WDR36: variants seen among roughly 807,000 people sequenced by gnomAD.
WDR36 encodes WD repeat-containing protein 36.
WDR36 carries 63 observed loss-of-function variants against 112.7 expected under a neutral mutation model. That is an observed-to-expected ratio of 0.56 (90% CI 0.46 to 0.69). WDR36 has a LOEUF of 0.69. WDR36 is among the 30% of genes least tolerant of loss of function. WDR36 has a pLI of 0.00. For synonymous variants in WDR36, 410 were observed against 362.2 expected, an observed-to-expected ratio of 1.13 and a Z score of -1.50; for missense variants, 1,226 against 1,070.3, an observed-to-expected ratio of 1.15 and a Z score of -2.03.
chr5:111,094,488 G>A (rs1580388348), intron 1 of WDR36, among the ~76,000 whole-genome samples: 2 of 152,036 alleles, frequency 1.3e-5, no homozygotes, highest in South Asian at 2.1e-4. Context: ...GTTTGTGGGG[G>A]CAGGCTGGGG....
intron 15 of WDR36, among the ~76,000 whole-genome samples, chr5:111,111,906 G>C (rs1372020461): frequency 2.6e-5 from 4 of 151,750 alleles, no homozygotes; most frequent in African/African-American, 9.7e-5. Context: ...CAGATACCTT[G>C]ATTTGCTTGA....
chr5:111,106,713 C>A (rs1490424302), intron 11 of WDR36, among the ~76,000 whole-genome samples: 2 of 151,374 alleles, frequency 1.3e-5, no homozygotes, highest in African/African-American at 2.4e-5. Flanking sequence ...CATCACACAT[C>A]TGCTTAAAAT....
intron 1 of WDR36, among the ~76,000 whole-genome samples, chr5:111,093,984 A>G (rs961090539): frequency 5.9e-5 from 9 of 152,156 alleles, no homozygotes; most frequent in Non-Finnish European, 8.8e-5. Flanking sequence ...AGATTAACCA[A>G]TGCATTGGGC....
At chr5:111,113,425 A>G (rs1753389199) in intron 16 of WDR36, among the ~76,000 whole-genome samples, 1 of 124,560 alleles carries the variant, frequency 8.0e-6, no homozygotes, top group South Asian at 3.1e-4. Context: ...CTAAACCTTA[A>G]GAAAGCTCAT....
intron 15 of WDR36, 71 bp downstream of exon 15, chr5:111,111,349 C>A: frequency 1.7e-6 from 2 of 1,202,580 alleles, no homozygotes; most frequent in Non-Finnish European, 2.5e-6. Context: ...CCTTTAATAG[C>A]CTTAAAATCA....
chr5:111,100,878 AAC>A, intron 5 of WDR36, among the ~76,000 whole-genome samples, 157 bp downstream of exon 5: 1 of 151,742 alleles, frequency 6.6e-6, no homozygotes, highest in East Asian at 1.9e-4. Flanking sequence ...GGAGTCAATT[AAC>A]CTGGGATCAA....
At chr5:111,105,928 G>A in intron 10 of WDR36, 129 bp from the exon 11 acceptor site, 2 of 706,200 alleles carry the variant, frequency 2.8e-6, no homozygotes, top group South Asian at 3.4e-5. Flanking sequence ...TAACATCTTT[G>A]TTTTGTTTCT....
chr5:111,097,406 C>T (rs1753016043), intron 3 of WDR36, among the ~76,000 whole-genome samples: 1 of 152,174 alleles, frequency 6.6e-6, no homozygotes, highest in Admixed American at 6.5e-5. Flanking sequence ...ATCAAAATTA[C>T]TTGGAGACCT....
chr5:111,126,793 A>C lies in WDR36; in HGVS notation c.2598A>C (p.Ser866=), dbSNP rs78750466. Residue 866 remains serine (S), a synonymous_variant, in exon 23 of 23, where the codon TCA becomes TCC. Coordinates refer to ENST00000513710, the MANE Select transcript of WDR36 (RefSeq NM_139281.3). Reference sequence around the variant, plus strand: ...TCCTAGAAGAAATAACAAATTTGTCATCCCAGGTGGAAGAAAACTGGACCC... The same window carrying C: ...TCCTAGAAGAAATAACAAATTTGTCCTCCCAGGTGGAAGAAAACTGGACCC... ...PVLLEEITNL[S]SQVEENWTHL... 6.8e-5 allele frequency: 109 copies of C among 1,613,808 alleles called. No homozygotes were observed. In the African/African-American group the frequency reaches 1.3e-3, roughly 19 times the overall value.
chr5:111,125,280 G>A (rs1753655097), intron 21 of WDR36, among the ~76,000 whole-genome samples: 1 of 152,074 alleles, frequency 6.6e-6, no homozygotes, highest in African/African-American at 2.4e-5. Flanking sequence ...TTCTTAATTA[G>A]GATTTACTCT....
chr5:111,114,216 A>T (rs1224835882), intron 16 of WDR36, among the ~76,000 whole-genome samples: 1 of 152,200 alleles, frequency 6.6e-6, no homozygotes, highest in East Asian at 1.9e-4. Flanking sequence ...CTCATTTAAC[A>T]TAGGATTGCT....
Position 111,104,831 on chromosome 5 carries a change from T to G in WDR36, c.1027+14T>G, listed in dbSNP as rs1214312968. On this transcript the variant is annotated intron_variant, in intron 9 of 22. Coordinates refer to ENST00000513710, the MANE Select transcript of WDR36 (RefSeq NM_139281.3). Reference sequence around the variant, plus strand: ...TTCTAAGTGCAAGTGAGCTTCTGCTTCATACTATTAGTTTATTTCAGCAAG... The same window carrying G: ...TTCTAAGTGCAAGTGAGCTTCTGCTGCATACTATTAGTTTATTTCAGCAAG... The G allele has an allele frequency of 2.5e-6, 4 of 1,610,238 alleles. No homozygotes were observed. In the African/African-American group the frequency reaches 5.4e-5, roughly 22 times the overall value.
chr5:111,119,431 C>T (rs1753521370), intron 17 of WDR36, among the ~76,000 whole-genome samples: 1 of 152,114 alleles, frequency 6.6e-6, no homozygotes. Context: ...CCATGGTTTT[C>T]CTGCCAGTAT....
chr5:111,103,868 T>C lies in WDR36; in HGVS notation c.680T>C (p.Met227Thr). The C allele has an allele frequency of 6.2e-7, 1 of 1,611,466 alleles. No homozygotes were observed. The highest frequency in any genetic ancestry group is 8.5e-7 in the Non-Finnish European group (1 of 1,178,300). ...IHNIKFNETL[M>T]KFRQDWGPIT... ...AACATTAAATTTAATGAAACATTAA[T>C]GAAGTTTCGTCAAGACTGGGGACCC... The change falls in exon 7 of 23, where the codon ATG becomes ACG. Residue 227 changes from methionine to threonine, a missense_variant. Coordinates refer to ENST00000513710, the MANE Select transcript of WDR36 (RefSeq NM_139281.3).
chr5:111,098,952 T>TA, intron 4 of WDR36, 113 bp downstream of exon 4: 2 of 779,336 alleles, frequency 2.6e-6, no homozygotes, highest in East Asian at 2.5e-5. Flanking sequence ...AGTAAGAAAT[T>TA]AAAAAAATCA....
chr5:111,105,294 G>A lies in WDR36; in HGVS notation c.1028-1G>A, dbSNP rs768665334. On this transcript the variant is annotated splice_acceptor_variant, in intron 9 of 22. Coordinates refer to ENST00000513710, the MANE Select transcript of WDR36 (RefSeq NM_139281.3). LOFTEE classifies it high-confidence loss of function. ...TAGGGATTTTCTGTGTATATCAACA[G>A]GTCAAGATGGAACTCTTCAGTCATT... The A allele has an allele frequency of 2.5e-6, 4 of 1,609,512 alleles. No homozygotes were observed. The highest frequency in any genetic ancestry group is 4.5e-5 in the East Asian group (2 of 44,708).
At chr5:111,100,815 G>T (rs920969910) in intron 5 of WDR36, 94 bp downstream of exon 5, 5 of 1,303,438 alleles carry the variant, frequency 3.8e-6, no homozygotes, top group Non-Finnish European at 5.3e-6. Context: ...CCCTGCCCTT[G>T]TATATTTATT....
Position 111,126,943 on chromosome 5 carries a change from C to T in WDR36, c.*60C>T, listed in dbSNP as rs186924041. ...TAAATGGGTTCAATTGAACTCATTTCTTATTTTCCAAGTGTCAATGTGAAA... is the reference window on the plus strand; with the variant it reads ...TAAATGGGTTCAATTGAACTCATTTTTTATTTTCCAAGTGTCAATGTGAAA... On this transcript the variant is annotated 3_prime_UTR_variant, in exon 23 of 23. Coordinates refer to ENST00000513710, the MANE Select transcript of WDR36 (RefSeq NM_139281.3). 5.8e-4 allele frequency: 838 copies of T among 1,445,560 alleles called. 7 individuals carry two copies. In the African/African-American group the frequency reaches 9.7e-3, roughly 17 times the overall value. The allele number at this position is 1,445,560 out of a possible 1,614,324, so 89.5% of individuals were successfully genotyped here.
Position 111,111,177 on chromosome 5 carries a change from C to G in WDR36, c.1615C>G (p.Leu539Val). ...GTGCATTTATCTTGCTAGTGGCATT[C>G]TGGGACTCGCCTTGGATGACTTCTC... ...IMLLHRDSGI[L>V]GLALDDFSIS... is the part of the protein sequence containing the mutation. The change falls in exon 15 of 23, where the codon CTG becomes GTG. Residue 539 changes from leucine (L) to valine (V), a missense_variant. Physicochemically the swap from Leu to Val is conservative, Grantham distance 32. Coordinates refer to ENST00000513710, the MANE Select transcript of WDR36 (RefSeq NM_139281.3). 6.2e-7 allele frequency: 1 copy of G among 1,611,778 alleles called. No homozygotes were observed. The highest frequency in any genetic ancestry group is 2.2e-5 in the East Asian group (1 of 44,814).
Sources: allele counts gnomAD v4.1 joint callset (sites outside exome capture counted in the v4.1 genomes callset), GRCh38; gene constraint gnomAD v4.1.1; transcripts MANE v1.5; gene names NCBI Gene and HGNC (gene_info 2026-07-23, HGNC 2026-07-21).